The following THAP6 variants were observed in gnomAD, a reference collection of about 807,000 sequenced individuals.
THAP6 encodes THAP domain-containing protein 6.
THAP6 carries 13 observed loss-of-function variants against 20.0 expected under a neutral mutation model. The observed-to-expected ratio is 0.65, with a 90% CI of 0.42 to 1.03. THAP6 has a LOEUF of 1.03. Among genes scored for constraint, THAP6 ranks in the 50% least tolerant of loss-of-function variants. THAP6 has a pLI of 0.00. For missense variants in THAP6, 262 were observed against 261.6 expected, an observed-to-expected ratio of 1.00 and a Z score of -0.01; for synonymous variants, 93 against 92.2, an observed-to-expected ratio of 1.01 and a Z score of -0.05.
downstream of THAP6, among the ~76,000 whole-genome samples, chr4:75,531,842 G>A (rs182031215): frequency 7.9e-4 from 119 of 150,448 alleles, 1 homozygote; most frequent in African/African-American, 2.7e-3. Context: ...TTACCAGAAT[G>A]GCATAGGAAA....
In THAP6 at chr4:75,529,662, G is replaced by A; in HGVS notation, c.*2448G>A. The stretch of plus-strand genomic sequence containing the variant: ...CTGGCCTGTGTAAAGCAAAACCCAA[G>A]TCATCCCCCTCCAGAAATTTCTCTG... On this transcript the variant is annotated 3_prime_UTR_variant, in exon 5 of 5. Coordinates refer to ENST00000311638, the MANE Select transcript of THAP6 (RefSeq NM_144721.6). 2 of 985,388 alleles carry A rather than the reference G, an allele frequency of 2.0e-6. No homozygotes were observed. Among genetic ancestry groups the A allele is most frequent in the Non-Finnish European group, 1.2e-6 (1 of 829,960 alleles). The allele number at this position is 985,388 out of a possible 1,614,324, so 61.0% of individuals were successfully genotyped here. A position where few individuals can be genotyped will look rare whatever the true frequency, so the allele number is the denominator to read the frequency against.
chr4:75,542,730 G>GTTTTT (rs1461856228), intron 3 of THAP6: 3 of 356,920 alleles, frequency 8.4e-6, no homozygotes, highest in African/African-American at 6.3e-5. Context: ...GTTTTGTTTT[G>GTTTTT]TTTTGTCTTT....
intron 3 of THAP6, among the ~76,000 whole-genome samples, chr4:75,518,339 C>G (rs1181408542): frequency 6.6e-6 from 1 of 152,104 alleles, no homozygotes; most frequent in Non-Finnish European, 1.5e-5. Context: ...ACTGTGAACA[C>G]TTTGATCTGT....
In THAP6 at chr4:75,528,198, C is replaced by G; in HGVS notation, c.*984C>G. ...AGGGGAGTAGATTATTGTCCAAAGG[C>G]TTTTATTTAGAGAAACGGGTAATTA... On this transcript the variant is annotated 3_prime_UTR_variant, in exon 5 of 5. Transcript: ENST00000311638. 1 of 985,240 alleles carries G rather than the reference C, an allele frequency of 1.0e-6. No individual in the cohort carries two copies. Among genetic ancestry groups the G allele is most frequent in the Non-Finnish European group, 1.2e-6 (1 of 829,812 alleles). 61.0% of individuals were successfully genotyped at this position (985,240 alleles called of 1,614,324 possible). A position where few individuals can be genotyped will look rare whatever the true frequency, so the allele number is the denominator to read the frequency against.
At position 75,528,546 on chromosome 4, in the gene THAP6, GTTACA is replaced by G. The variant is rs1470742430; in HGVS notation, c.*1336_*1340del. ...AGTTGTTTATTGTAATTTTATTTTT[GTTACA>G]TTAATATTAGTTAAGATATGGTCAC... On this transcript the variant is annotated 3_prime_UTR_variant, in exon 5 of 5. Coordinates refer to ENST00000311638, the MANE Select transcript of THAP6 (RefSeq NM_144721.6). The G allele has an allele frequency of 1.0e-6, 1 of 982,410 alleles. No homozygotes were observed. The highest frequency in any genetic ancestry group is 5.2e-4 in the Middle Eastern group (1 of 1,928). 60.9% of individuals were successfully genotyped at this position (982,410 alleles called of 1,614,324 possible). A position where few individuals can be genotyped will look rare whatever the true frequency, so the allele number is the denominator to read the frequency against.
downstream of THAP6, among the ~76,000 whole-genome samples, chr4:75,531,504 G>A (rs1384138003): frequency 1.3e-5 from 2 of 152,166 alleles, no homozygotes; most frequent in Non-Finnish European, 2.9e-5. Context: ...TCCTTCTAGT[G>A]AATCATGAAA....
At position 75,521,849 on chromosome 4, in the gene THAP6, C is replaced by T. The variant is rs964903479; in HGVS notation, c.402C>T (p.Ser134=). ...GASSCIEEFQ[S]QFIFEHSYSV... Reference sequence around the variant, plus strand: ...CCTCATGTATTGAAGAATTCCAATCCCAGTTCATTTTTGTAAGTAAATTAC... The same window carrying T: ...CCTCATGTATTGAAGAATTCCAATCTCAGTTCATTTTTGTAAGTAAATTAC... Residue 134 remains serine (S), a synonymous_variant, in exon 4 of 5, where the codon TCC becomes TCT. Transcript: ENST00000311638. The T allele has an allele frequency of 1.2e-6, 2 of 1,613,204 alleles. No individual in the cohort carries two copies. The highest frequency in any genetic ancestry group is 1.7e-6 in the Non-Finnish European group (2 of 1,179,562).
intron 2 of THAP6, among the ~76,000 whole-genome samples, chr4:75,535,150 C>G (rs993332741): frequency 6.6e-6 from 1 of 152,166 alleles, no homozygotes; most frequent in African/African-American, 2.4e-5. Flanking sequence ...CTCATGAGAC[C>G]CATTCACTAT....
downstream of THAP6, among the ~76,000 whole-genome samples, chr4:75,533,630 G>C (rs1232929663): frequency 6.6e-6 from 1 of 152,192 alleles, no homozygotes; most frequent in East Asian, 1.9e-4. Flanking sequence ...TGGATTTACA[G>C]TTCCACATGG....
chr4:75,540,155 T>A (rs1382058247), intron 2 of THAP6, among the ~76,000 whole-genome samples: 2 of 152,234 alleles, frequency 1.3e-5, no homozygotes, highest in African/African-American at 4.8e-5. Context: ...TTATAAAACA[T>A]CTTGACAGTG....
rs139031757 is a variant in THAP6, at chr4:75,521,000, CT to C, written c.289-735del. On this transcript the variant is annotated intron_variant, in intron 3 of 4. Transcript: ENST00000311638. Reference sequence around the variant, plus strand: ...TTTTCTATGCTGTTTTGTAAAAACACTGGATATTGAGGATAGGAATCATTTA... The same window carrying C: ...TTTTCTATGCTGTTTTGTAAAAACACGGATATTGAGGATAGGAATCATTTA... 5.7e-3 allele frequency among the ~76,000 whole-genome samples: 872 copies of C among 152,252 alleles called. 9 individuals are homozygous for C. Among genetic ancestry groups the C allele is most frequent in the African/African-American group, 0.02 (822 of 41,576 alleles).
In THAP6 at chr4:75,537,915, C is replaced by T. The variant is rs1472139143; in HGVS notation, c.166-4494C>T. Among the ~76,000 whole-genome samples the T allele has an allele frequency of 3.9e-5, 6 of 152,210 alleles. 1 individual carries two copies. The highest frequency in any genetic ancestry group is 1.2e-4 in the African/African-American group (5 of 41,452). On this transcript the variant is annotated intron_variant, in intron 2 of 4. Transcript: ENST00000502620. Reference sequence around the variant, plus strand: ...AGCATCCAGAGGGAATGCAGCCCTGCTGTCCCATTTTAGATTTTGGACCTC... The same window carrying T: ...AGCATCCAGAGGGAATGCAGCCCTGTTGTCCCATTTTAGATTTTGGACCTC...
At chr4:75,541,862 A>C (rs866300314) in intron 2 of THAP6, among the ~76,000 whole-genome samples, 1 of 152,026 alleles carries the variant, frequency 6.6e-6, no homozygotes, top group Non-Finnish European at 1.5e-5. Flanking sequence ...AGGCTGAGGC[A>C]GGAGAATCGC....
chr4:75,529,339 C>T lies in THAP6; in HGVS notation c.*2125C>T, dbSNP rs576992992. The T allele has an allele frequency of 2.8e-5, 28 of 985,336 alleles. No individual in the cohort carries two copies. The South Asian group carries it at 1.1e-3, about 40-fold the overall frequency. 61.0% of individuals were successfully genotyped at this position (985,336 alleles called of 1,614,324 possible). On this transcript the variant is annotated 3_prime_UTR_variant, in exon 5 of 5. Transcript: ENST00000311638. The stretch of plus-strand genomic sequence containing the variant: ...GGAAGACCTTTCCAAGAGTAAAATC[C>T]CAGTCTGCCACTATCAAAATTGCCA...
At position 75,528,639 on chromosome 4, in the gene THAP6, C is replaced by T. The variant is rs1343481353; in HGVS notation, c.*1425C>T. 3.0e-6 allele frequency: 3 copies of T among 984,920 alleles called. No homozygotes were observed. Among genetic ancestry groups the T allele is most frequent in the Non-Finnish European group, 3.6e-6 (3 of 829,704 alleles). The allele number at this position is 984,920 out of a possible 1,614,324, so 61.0% of individuals were successfully genotyped here. A position where few individuals can be genotyped will look rare whatever the true frequency, so the allele number is the denominator to read the frequency against. On this transcript the variant is annotated 3_prime_UTR_variant, in exon 5 of 5. Coordinates refer to ENST00000311638, the MANE Select transcript of THAP6 (RefSeq NM_144721.6). ...CATGTTATACTTTTATGTAGGATTC[C>T]AAACCTTCCCTCTAAATGGGATTTA...
At chr4:75,533,914 C>A (rs2148827870), downstream of THAP6, among the ~76,000 whole-genome samples, 1 of 152,116 alleles carries the variant, frequency 6.6e-6, no homozygotes, top group African/African-American at 2.4e-5. Flanking sequence ...CTCCCCCTCC[C>A]CCCACCGCAC....
In THAP6 at chr4:75,527,026, G is replaced by A. The variant is rs372598193; in HGVS notation, c.481G>A (p.Glu161Lys). Residue 161 changes from glutamate to lysine, a missense_variant, in exon 5 of 5, where the codon GAG (glutamate) becomes AAG (lysine). Glu to Lys is a moderately conservative substitution (Grantham distance 56). Transcript: ENST00000311638. Reference sequence around the variant, plus strand: ...GCATAAATTAGATCATGTGATCGGCGAGCTAGAGGATACAAAGGAAAGTCT... The same window carrying A: ...GCATAAATTAGATCATGTGATCGGCAAGCTAGAGGATACAAAGGAAAGTCT... Reference protein sequence around the residue: ...LKHKLDHVIGELEDTKESLRN... With the variant: ...LKHKLDHVIGKLEDTKESLRN... The A allele has an allele frequency of 5.0e-6, 8 of 1,614,032 alleles. No homozygotes were observed. Among genetic ancestry groups the A allele is most frequent in the Middle Eastern group, 1.7e-4 (1 of 6,060 alleles).
downstream of THAP6, among the ~76,000 whole-genome samples, chr4:75,531,208 G>A (rs1726669044): frequency 6.6e-6 from 1 of 152,202 alleles, no homozygotes; most frequent in East Asian, 1.9e-4. Context: ...GTCTGGATTT[G>A]AGAATCTGTT....
In THAP6 at chr4:75,536,134, C is replaced by A. The variant is rs143383668; in HGVS notation, c.166-6275C>A. On this transcript the variant is annotated intron_variant, in intron 2 of 4. Transcript: ENST00000502620. ...TATTAAACACAAGTGATCTAAAAAT[C>A]CCAATTAAAAGGCAGGGATTGTGAG... Among the ~76,000 whole-genome samples, 116 of 152,268 alleles carry A rather than the reference C, an allele frequency of 7.6e-4. 1 individual carries two copies. Among genetic ancestry groups the A allele is most frequent in the African/African-American group, 2.5e-3 (103 of 41,542 alleles).
Sources: allele counts gnomAD v4.1 joint callset (sites outside exome capture counted in the v4.1 genomes callset), GRCh38; gene constraint gnomAD v4.1.1; transcripts MANE v1.5; gene names NCBI Gene and HGNC (gene_info 2026-07-23, HGNC 2026-07-21).